QTGAL: variants seen among roughly 807,000 people sequenced by gnomAD.
QTGAL encodes queuosine-tRNA galactosyltransferase.
At chr17:82,945,209 G>A in the QTGAL span, 2 of 152,234 alleles carry the variant, frequency 1.3e-5, no homozygotes, top group Non-Finnish European at 2.9e-5. Flanking sequence ...CAGCTGAAGA[G>A]AGAATTAGAA....
chr17:82,952,828 G>A, the QTGAL span, among the ~76,000 whole-genome samples: 1 of 152,142 alleles, frequency 6.6e-6, no homozygotes, highest in African/African-American at 2.4e-5. Context: ...AAATGCAAAA[G>A]AACAGAAATC....
chr17:83,013,850 C>T, the QTGAL span, among the ~76,000 whole-genome samples: 1 of 152,182 alleles, frequency 6.6e-6, no homozygotes, highest in East Asian at 1.9e-4. Flanking sequence ...AAAACTTGAG[C>T]GAGATCTCTG....
At chr17:83,000,011 A>G in the QTGAL span, among the ~76,000 whole-genome samples, 7 of 151,990 alleles carry the variant, frequency 4.6e-5, no homozygotes, top group African/African-American at 1.5e-4. Context: ...CGCCCAGGCT[A>G]GAGTGCAGTG....
the QTGAL span, among the ~76,000 whole-genome samples, chr17:82,983,452 C>T: frequency 6.6e-6 from 1 of 152,194 alleles, no homozygotes; most frequent in East Asian, 1.9e-4. Flanking sequence ...CTCAGTGTGA[C>T]ACATTCTCAG....
At chr17:83,046,991 T>C in the QTGAL span, among the ~76,000 whole-genome samples, 2 of 152,308 alleles carry the variant, frequency 1.3e-5, no homozygotes, top group Non-Finnish European at 2.9e-5. Flanking sequence ...CCTGACTCCA[T>C]TCACATGAAA....
At chr17:83,040,303 G>A in the QTGAL span, among the ~76,000 whole-genome samples, 1 of 152,076 alleles carries the variant, frequency 6.6e-6, no homozygotes, top group African/African-American at 2.4e-5. Context: ...GTAGGAACCC[G>A]TCCACCAACT....
At chr17:82,993,826 T>C in the QTGAL span, among the ~76,000 whole-genome samples, 10 of 151,876 alleles carry the variant, frequency 6.6e-5, no homozygotes, top group African/African-American at 2.4e-4. Context: ...TTTTATTTAA[T>C]GGACTAAAAC....
the QTGAL span, among the ~76,000 whole-genome samples, chr17:83,024,510 T>C: frequency 0.6 from 91,669 of 152,168 alleles, 28,415 homozygotes; most frequent in African/African-American, 0.75. Flanking sequence ...GGGTTGCGTG[T>C]GGGGCCTCAG....
the QTGAL span, among the ~76,000 whole-genome samples, chr17:82,974,237 A>G: frequency 6.6e-6 from 1 of 152,130 alleles, no homozygotes; most frequent in Non-Finnish European, 1.5e-5. Context: ...TGGGCCCCAC[A>G]GGTTTGGGGA....
the QTGAL span, among the ~76,000 whole-genome samples, chr17:82,956,307 C>T: frequency 0.03 from 4,574 of 152,316 alleles, 219 homozygotes; most frequent in African/African-American, 0.1. The surrounding 1 kb of genome is among the most constrained non-coding windows in gnomAD (Gnocchi z 5.7). Flanking sequence ...GGGCTGAGGA[C>T]ATCCCCGATG....
the QTGAL span, among the ~76,000 whole-genome samples, chr17:82,972,415 G>C: frequency 1.9e-4 from 19 of 100,456 alleles, no homozygotes; most frequent in Non-Finnish European, 2.5e-4. Context: ...AGGACCTGGT[G>C]CCGACCACAG....
chr17:82,996,415 A>G, the QTGAL span, among the ~76,000 whole-genome samples: 1 of 151,870 alleles, frequency 6.6e-6, no homozygotes, highest in Non-Finnish European at 1.5e-5. Context: ...CCAGCTGCTC[A>G]GCAAGCTGAG....
At chr17:83,020,550 C>T in the QTGAL span, among the ~76,000 whole-genome samples, 2 of 152,170 alleles carry the variant, frequency 1.3e-5, no homozygotes, top group African/African-American at 4.8e-5. Context: ...GCGGAGAAGC[C>T]CAGAGAGGTG....
chr17:82,959,746 T>C, the QTGAL span, among the ~76,000 whole-genome samples: 1 of 152,128 alleles, frequency 6.6e-6, no homozygotes, highest in African/African-American at 2.4e-5. Context: ...GGGGGGCCTC[T>C]GACACCGGCC....
At chr17:82,995,461 C>G in the QTGAL span, among the ~76,000 whole-genome samples, 6 of 151,640 alleles carry the variant, frequency 4.0e-5, no homozygotes, top group African/African-American at 1.5e-4. Context: ...TGGCTCACTG[C>G]AACCTCTGCT....
At chr17:83,015,125 C>A in the QTGAL span, among the ~76,000 whole-genome samples, 1 of 150,844 alleles carries the variant, frequency 6.6e-6, no homozygotes, top group Admixed American at 6.6e-5. The surrounding 1 kb of genome is among the most constrained non-coding windows in gnomAD (Gnocchi z 4.4). Flanking sequence ...GGGGGACCGT[C>A]TGCGGTGAGG....
chr17:83,035,178 T>C, the QTGAL span: 1 of 1,265,898 alleles, frequency 7.9e-7, no homozygotes, highest in Non-Finnish European at 1.1e-6. Flanking sequence ...TAGTATATGA[T>C]ATTCTTTTTT....
the QTGAL span, chr17:82,957,036 A>G: frequency 1.6e-6 from 2 of 1,212,654 alleles, no homozygotes; most frequent in East Asian, 2.3e-5. Flanking sequence ...TCTCCCCCCA[A>G]GAATGGGGGC....
At chr17:83,037,896 G>C in the QTGAL span, among the ~76,000 whole-genome samples, 6 of 152,300 alleles carry the variant, frequency 3.9e-5, no homozygotes, top group East Asian at 1.2e-3. This position sits in a 1 kb window ranked among gnomAD's most constrained non-coding sequence, Gnocchi z 5.2. Flanking sequence ...GTTTGCGTGG[G>C]GCTCCTGCTT....
Sources: gnomAD v4.1 joint callset for allele counts (sites outside exome capture counted in the v4.1 genomes callset) on GRCh38, gnomAD v4.1.1 for gene constraint, Gnocchi (gnomAD v3.1) non-coding constraint, MANE v1.5 for transcripts, NCBI Gene and HGNC (gene_info 2026-07-23, HGNC 2026-07-21) for gene names.